KLF13: variants seen among roughly 807,000 people sequenced by gnomAD.
KLF13 encodes Krueppel-like factor 13.
Under a neutral mutation model 16.7 loss-of-function variants are expected in KLF13, and 8 were observed. That is an observed-to-expected ratio of 0.48 (90% CI 0.28 to 0.87). The LOEUF is 0.87. KLF13 is among the 40% of genes least tolerant of loss of function. The pLI, the probability that KLF13 is intolerant of heterozygous loss-of-function variation, is 0.10. For synonymous variants in KLF13, 245 were observed against 208.4 expected, an observed-to-expected ratio of 1.18 and a Z score of -1.51; for missense variants, 447 against 452.2, an observed-to-expected ratio of 0.99 and a Z score of 0.10.
chr15:31,408,386 T>TG (rs1162552941), downstream of KLF13, among the ~76,000 whole-genome samples: 3 of 152,200 alleles, frequency 2.0e-5, no homozygotes, highest in Admixed American at 6.5e-5. Flanking sequence ...TCACCATCCA[T>TG]GGGAAAAAAC....
chr15:31,357,249 G>T (rs1353994874), intron 1 of KLF13, among the ~76,000 whole-genome samples: 1 of 152,196 alleles, frequency 6.6e-6, no homozygotes, highest in East Asian at 1.9e-4. Flanking sequence ...CGTCTATGCG[G>T]TGAGGATGTT....
downstream of KLF13, among the ~76,000 whole-genome samples, chr15:31,406,733 G>C (rs1352002055): frequency 6.6e-6 from 1 of 152,152 alleles, no homozygotes; most frequent in Non-Finnish European, 1.5e-5. Flanking sequence ...GTCTTTCCCA[G>C]CTTCTAGAGG....
At chr15:31,397,451 G>T (rs1268805823) in intron 2 of KLF13, among the ~76,000 whole-genome samples, 1 of 152,252 alleles carries the variant, frequency 6.6e-6, no homozygotes, top group Admixed American at 6.5e-5. Context: ...TGCAAAGGCT[G>T]CAGGCCAAGA....
At chr15:31,420,865 A>G (rs1404118926) in intron 1 of KLF13, among the ~76,000 whole-genome samples, 1 of 151,516 alleles carries the variant, frequency 6.6e-6, no homozygotes, top group East Asian at 1.9e-4. Flanking sequence ...GCTAATTTTG[A>G]TATTTTTAGT....
intron 1 of KLF13, among the ~76,000 whole-genome samples, chr15:31,331,927 A>G (rs7166088): frequency 1 from 152,181 of 152,372 alleles, 75,997 homozygotes; most frequent in Middle Eastern, 1. Flanking sequence ...ATTTTGTTCC[A>G]TGTGTTTGCT....
chr15:31,410,200 T>C (rs939495016), intron 1 of KLF13, among the ~76,000 whole-genome samples: 1 of 152,006 alleles, frequency 6.6e-6, no homozygotes, highest in Non-Finnish European at 1.5e-5. Context: ...TAAAAATATG[T>C]ATATTATAAA....
chr15:31,426,943 A>G (rs2141013036), intron 1 of KLF13, among the ~76,000 whole-genome samples: 1 of 152,342 alleles, frequency 6.6e-6, no homozygotes. Flanking sequence ...TTGCTCTTGG[A>G]CATCAGAACT....
intron 1 of KLF13, among the ~76,000 whole-genome samples, chr15:31,350,872 C>G (rs974417017): frequency 7.2e-5 from 11 of 152,232 alleles, no homozygotes; most frequent in African/African-American, 2.7e-4. Context: ...CAGGCGCCTT[C>G]TGGGCAGCAG....
chr15:31,395,106 A>T (rs2039937119), intron 2 of KLF13, among the ~76,000 whole-genome samples: 1 of 152,098 alleles, frequency 6.6e-6, no homozygotes, highest in Non-Finnish European at 1.5e-5. Context: ...CAGCCTCCTG[A>T]GTAGCTGGGA....
chr15:31,345,362 C>G (rs1327132424), intron 1 of KLF13, among the ~76,000 whole-genome samples: 1 of 152,184 alleles, frequency 6.6e-6, no homozygotes, highest in East Asian at 1.9e-4. Flanking sequence ...CTGTGTGCTG[C>G]TCTGGGGGCC....
downstream of KLF13, among the ~76,000 whole-genome samples, chr15:31,381,793 G>T (rs145268475): frequency 2.0e-5 from 3 of 152,328 alleles, no homozygotes; most frequent in East Asian, 5.8e-4. Context: ...AAAAGTAGGA[G>T]TAATAGTAAA....
At chr15:31,361,837 A>G (rs1166784357) in intron 1 of KLF13, among the ~76,000 whole-genome samples, 8 of 116,884 alleles carry the variant, frequency 6.8e-5, no homozygotes, top group African/African-American at 2.3e-4. Flanking sequence ...CCCAGACGTC[A>G]CAGCCAGAGG....
chr15:31,393,987 T>C (rs2039915454), intron 2 of KLF13, among the ~76,000 whole-genome samples: 1 of 152,152 alleles, frequency 6.6e-6, no homozygotes, highest in Non-Finnish European at 1.5e-5. Context: ...AGGGATCACC[T>C]GGACAGACAG....
In KLF13 at chr15:31,327,128, CCCGCCCG is replaced by C. The variant is rs2038723246; in HGVS notation, c.-83_-77del. The C allele has an allele frequency of 8.6e-7, 1 of 1,160,204 alleles. No individual in the cohort carries two copies. Among genetic ancestry groups the C allele is most frequent in the South Asian group, 3.2e-5 (1 of 30,918 alleles). 71.9% of individuals were successfully genotyped at this position (1,160,204 alleles called of 1,614,324 possible). A position where few individuals can be genotyped will look rare whatever the true frequency, so the allele number is the denominator to read the frequency against. On this transcript the variant is annotated 5_prime_UTR_variant, in exon 1 of 2. Transcript: ENST00000307145. ...GAGAGGGCGCGCCGCGCCCCCGCCC[CCCGCCCG>C]CTCTCCCGAGGCCGTGGGTGCGGAT... is the stretch of plus-strand genomic sequence containing the variant.
intron 1 of KLF13, among the ~76,000 whole-genome samples, chr15:31,338,395 A>G (rs533007393): frequency 3.3e-5 from 5 of 152,330 alleles, no homozygotes; most frequent in Admixed American, 3.3e-4. Flanking sequence ...GTGGTCAGCC[A>G]TGCAGCCAAG....
intron 1 of KLF13, among the ~76,000 whole-genome samples, chr15:31,432,605 C>T (rs919660475): frequency 3.3e-5 from 5 of 151,992 alleles, no homozygotes; most frequent in Admixed American, 6.6e-5. Flanking sequence ...TGCACCACCA[C>T]ACCCAGCTAA....
chr15:31,374,213 C>G lies in KLF13; in HGVS notation c.*1914C>G, dbSNP rs1288893676. The stretch of plus-strand genomic sequence containing the variant: ...ATGCCGTCAGGTGCCCGCTTCTTAC[C>G]ACTGTGTGTCAGCTGGGATTGGCCG... On this transcript the variant is annotated 3_prime_UTR_variant, in exon 2 of 2. Coordinates refer to ENST00000307145, the MANE Select transcript of KLF13 (RefSeq NM_015995.4). The G allele has an allele frequency of 6.6e-6, 1 of 152,666 alleles. No individual in the cohort carries two copies. The highest frequency in any genetic ancestry group is 1.5e-5 in the Non-Finnish European group (1 of 68,246). 9.5% of individuals were successfully genotyped at this position (152,666 alleles called of 1,614,324 possible).
intron 1 of KLF13, among the ~76,000 whole-genome samples, chr15:31,427,148 T>C (rs1240409721): frequency 6.6e-6 from 1 of 152,164 alleles, no homozygotes; most frequent in Non-Finnish European, 1.5e-5. Context: ...TCACTCTCCA[T>C]AATCATGTAA....
chr15:31,327,336 G>A lies in KLF13; in HGVS notation c.124G>A (p.Ala42Thr). The change falls in exon 1 of 2, where the codon GCC becomes ACC. Residue 42 changes from alanine to threonine, a missense_variant. By Grantham distance (58) the Ala-to-Thr change is moderately conservative. Coordinates refer to ENST00000307145, the MANE Select transcript of KLF13 (RefSeq NM_015995.4). ...ESRPEGAAVA[A>T]TPTLPRVEER... is the part of the protein sequence containing the mutation. ...CCGGCCCGAGGGCGCGGCCGTGGCC[G>A]CCACCCCCACGCTGCCCCGCGTCGA... 1 of 1,278,312 alleles carries A rather than the reference G, an allele frequency of 7.8e-7. No individual in the cohort carries two copies. The highest frequency in any genetic ancestry group is 9.8e-7 in the Non-Finnish European group (1 of 1,016,290). The allele number at this position is 1,278,312 out of a possible 1,614,324, so 79.2% of individuals were successfully genotyped here.
Sources: gnomAD v4.1 joint callset for allele counts (sites outside exome capture counted in the v4.1 genomes callset) on GRCh38, gnomAD v4.1.1 for gene constraint, MANE v1.5 for transcripts, NCBI Gene and HGNC (gene_info 2026-07-23, HGNC 2026-07-21) for gene names.